Variants in ZFAND3 observed in about 807,000 individuals in gnomAD.
ZFAND3 encodes AN1-type zinc finger protein 3.
ZFAND3 carries 10 observed loss-of-function variants against 29.6 expected under a neutral mutation model. The ratio of observed to expected loss-of-function variants is 0.34; its 90% CI spans 0.21 to 0.57. The LOEUF (loss-of-function observed/expected upper bound fraction) is 0.57. Ranked by LOEUF, ZFAND3 falls within the 20% of genes least tolerant of loss-of-function variation. The pLI, the probability that ZFAND3 is intolerant of heterozygous loss-of-function variation, is 0.86. For missense variants in ZFAND3, 230 were observed against 304.5 expected (o/e 0.76, Z 1.82); for synonymous variants, 128 against 112.6 (o/e 1.14, Z -0.87).
intron 2 of ZFAND3, among the ~76,000 whole-genome samples, chr6:38,035,709 A>G (rs73417997): frequency 0.068 from 10,389 of 152,252 alleles, 427 homozygotes; most frequent in Non-Finnish European, 0.087. Flanking sequence ...AGCAAACACC[A>G]CTAATCTAGG....
intron 1 of ZFAND3, among the ~76,000 whole-genome samples, chr6:37,849,950 T>G (rs549357518): frequency 3.3e-5 from 5 of 152,186 alleles, no homozygotes; most frequent in Non-Finnish European, 5.9e-5. Flanking sequence ...CTCCTTCCTC[T>G]GTGCTTCCTT....
At chr6:37,820,249 C>T (rs909735577) in intron 1 of ZFAND3, among the ~76,000 whole-genome samples, 2 of 151,926 alleles carry the variant, frequency 1.3e-5, no homozygotes, top group South Asian at 4.1e-4. Flanking sequence ...ACTCGCCGGC[C>T]TGAAGCTCGG....
intron 2 of ZFAND3, among the ~76,000 whole-genome samples, chr6:38,057,853 G>C (rs912180545): frequency 6.6e-6 from 1 of 152,152 alleles, no homozygotes; most frequent in African/African-American, 2.4e-5. Flanking sequence ...TTCTTTTTCA[G>C]ATTCAAGTAG....
rs1027879606 is a variant in ZFAND3 at position 38,152,603 on chromosome 6, G to A, written c.*214G>A. The A allele has an allele frequency of 4.8e-6, 6 of 1,238,644 alleles. No homozygotes were observed. Among genetic ancestry groups the A allele is most frequent in the South Asian group, 7.5e-5 (2 of 26,560 alleles). 76.7% of individuals were successfully genotyped at this position (1,238,644 alleles called of 1,614,324 possible). ...GTTACTAAGGTGCCTGCTAGCCATT[G>A]TATAAAATTAAAACATGAAGAATAT... On this transcript the variant is annotated 3_prime_UTR_variant, in exon 6 of 6. Coordinates refer to ENST00000287218, the MANE Select transcript of ZFAND3 (RefSeq NM_021943.3).
chr6:38,066,226 A>G (rs1441457692), intron 3 of ZFAND3, among the ~76,000 whole-genome samples: 1 of 152,232 alleles, frequency 6.6e-6, no homozygotes, highest in Admixed American at 6.5e-5. Context: ...AAGAGCTGTC[A>G]GGGTGGATGC....
intron 5 of ZFAND3, among the ~76,000 whole-genome samples, chr6:38,149,456 A>G (rs943001260): frequency 2.6e-5 from 4 of 151,570 alleles, no homozygotes; most frequent in African/African-American, 9.7e-5. Flanking sequence ...AGATGTGTCT[A>G]ACAGGTACAC....
At chr6:38,132,627 G>A (rs1765764308) in intron 5 of ZFAND3, among the ~76,000 whole-genome samples, 2 of 152,164 alleles carry the variant, frequency 1.3e-5, no homozygotes, top group Non-Finnish European at 2.9e-5. Flanking sequence ...AGTAATTAAG[G>A]TATCTTAGAA....
chr6:37,908,542 T>TAAAAAAAAAAAAAAAAAATAA (rs70981504), intron 1 of ZFAND3, among the ~76,000 whole-genome samples: 2 of 124,130 alleles, frequency 1.6e-5, no homozygotes, highest in Non-Finnish European at 3.3e-5. Context: ...AAAAAAAAAT[T>TAAAAAAAAAAAAAAAAAATAA]AAAAAAAAAA....
rs34477813 is a variant in ZFAND3, at chr6:37,934,529, TAA to T, written c.112+4549_112+4550del. ...TTTATCTGAGGTCATTTAGTCTATTTAAAAAAAAAAAAAAAAAAAAGTCCAGA... is the reference window on the plus strand; with the variant it reads ...TTTATCTGAGGTCATTTAGTCTATTTAAAAAAAAAAAAAAAAAAGTCCAGA... On this transcript the variant is annotated intron_variant, in intron 2 of 5. Transcript: ENST00000287218. Among the ~76,000 whole-genome samples the T allele has an allele frequency of 3.6e-3, 446 of 125,314 alleles. 4 individuals carry two copies. The highest frequency in any genetic ancestry group is 0.012 in the African/African-American group (394 of 33,076). 82.2% of individuals were successfully genotyped at this position (125,314 alleles called of 152,430 possible). A position where few individuals can be genotyped will look rare whatever the true frequency, so the allele number is the denominator to read the frequency against.
intron 2 of ZFAND3, among the ~76,000 whole-genome samples, chr6:38,014,311 C>T (rs11759725): frequency 0.12 from 13,312 of 109,836 alleles, 771 homozygotes; most frequent in East Asian, 0.31. Context: ...TGTAATTTTA[C>T]TTTATTATTA....
At chr6:37,941,105 A>G (rs1761802982) in intron 2 of ZFAND3, among the ~76,000 whole-genome samples, 1 of 152,226 alleles carries the variant, frequency 6.6e-6, no homozygotes, top group East Asian at 1.9e-4. Context: ...GCTCCATTTT[A>G]CAGATAAGGA....
intron 5 of ZFAND3, among the ~76,000 whole-genome samples, chr6:38,151,858 A>G (rs886741016): frequency 1.3e-5 from 2 of 152,034 alleles, no homozygotes; most frequent in Non-Finnish European, 2.9e-5. Context: ...TGTGGTGGAA[A>G]TCACAGTTTG....
intron 1 of ZFAND3, among the ~76,000 whole-genome samples, chr6:37,868,825 A>G (rs752989633): frequency 1.3e-5 from 2 of 152,346 alleles, no homozygotes; most frequent in Non-Finnish European, 2.9e-5. Flanking sequence ...CTTTGTCACA[A>G]TTTGATATGA....
chr6:38,138,406 A>C (rs1765884106), intron 5 of ZFAND3, among the ~76,000 whole-genome samples: 1 of 147,008 alleles, frequency 6.8e-6, no homozygotes, highest in Non-Finnish European at 1.5e-5. Context: ...AAACAAGTAC[A>C]TCTCAGGTCA....
chr6:38,107,041 T>C (rs1365701400), intron 4 of ZFAND3, among the ~76,000 whole-genome samples: 1 of 152,138 alleles, frequency 6.6e-6, no homozygotes, highest in East Asian at 1.9e-4. Flanking sequence ...TTTAGAGAAT[T>C]GAGTAATGCA....
At chr6:37,953,519 C>G (rs961189606) in intron 2 of ZFAND3, among the ~76,000 whole-genome samples, 1 of 135,912 alleles carries the variant, frequency 7.4e-6, no homozygotes, top group Non-Finnish European at 1.5e-5. Context: ...GTGGTGTGAT[C>G]ATGGCTCACT....
intron 5 of ZFAND3, among the ~76,000 whole-genome samples, chr6:38,121,708 T>C (rs1205687830): frequency 2.6e-5 from 4 of 152,218 alleles, no homozygotes; most frequent in African/African-American, 9.7e-5. Context: ...ACATAAATAA[T>C]CACGCATCCT....
chr6:37,918,951 C>CTTGTTTTTTTTTTTTTTTTT (rs1761318785), intron 1 of ZFAND3, among the ~76,000 whole-genome samples: 4 of 104,738 alleles, frequency 3.8e-5, no homozygotes, highest in African/African-American at 1.6e-4. Context: ...TGAAAAATGC[C>CTTGTTTTTTTTTTTTTTTTT]TTTTTTTTTT....
At chr6:37,929,930 T>C in intron 1 of ZFAND3, 29 bp from the exon 2 acceptor site, 1 of 1,578,408 alleles carries the variant, frequency 6.3e-7, no homozygotes, top group South Asian at 1.2e-5. Context: ...TTAGCTCTTC[T>C]TTCTTTCTTT....
Sources: allele counts gnomAD v4.1 joint callset (sites outside exome capture counted in the v4.1 genomes callset), GRCh38; gene constraint gnomAD v4.1.1; transcripts MANE v1.5; gene names NCBI Gene and HGNC (gene_info 2026-07-23, HGNC 2026-07-21).